Variants in ANKS1B observed in about 807,000 individuals in gnomAD.
The protein encoded by ANKS1B is ankyrin repeat and sterile alpha motif domain-containing protein 1B.
In ANKS1B, 36 loss-of-function variants were observed where a neutral mutation model predicts 148.3. That is an observed-to-expected ratio of 0.24 (90% CI 0.19 to 0.32). ANKS1B has a LOEUF of 0.32. Among genes scored for constraint, ANKS1B ranks in the 10% least tolerant of loss-of-function variants. ANKS1B has a pLI of 1.00. For missense variants in ANKS1B, 1,157 were observed against 1,542.6 expected (o/e 0.75, Z 4.19); for synonymous variants, 542 against 560.8 (o/e 0.97, Z 0.47).
intron 14 of ANKS1B, among the ~76,000 whole-genome samples, chr12:99,205,890 C>T (rs531727690): frequency 6.6e-6 from 1 of 152,264 alleles, no homozygotes; most frequent in East Asian, 1.9e-4. Flanking sequence ...ATTGCTTTGT[C>T]TTGAGCACTT....
Position 99,405,481 on chromosome 12 carries a change from A to G in ANKS1B, c.1576-5670T>C, listed in dbSNP as rs564143745. On this transcript the variant is annotated intron_variant, in intron 11 of 26. Transcript: ENST00000683438. ...GTTAAGTTGCCATCAGTTTAAAATA[A>G]TGGATTATAAAAAATTATTTGCAAG... 3.2e-4 allele frequency among the ~76,000 whole-genome samples: 47 copies of G among 145,918 alleles called. No individual in the cohort carries two copies. The South Asian group carries it at 9.4e-3, about 29-fold the overall frequency.
chr12:99,533,861 CTCAAT>C (rs145988121), intron 9 of ANKS1B, among the ~76,000 whole-genome samples: 1,960 of 151,962 alleles, frequency 0.013, 45 homozygotes, highest in African/African-American at 0.045. Flanking sequence ...TGTTAAATGA[CTCAAT>C]TAATTAACAA....
chr12:99,824,984 G>T (rs1308264268), intron 2 of ANKS1B, among the ~76,000 whole-genome samples: 1 of 152,072 alleles, frequency 6.6e-6, no homozygotes, highest in Non-Finnish European at 1.5e-5. Flanking sequence ...CACCAAAAAA[G>T]GTAAAGGGGT....
chr12:99,916,041 T>C (rs986027381), intron 1 of ANKS1B, among the ~76,000 whole-genome samples: 11 of 152,334 alleles, frequency 7.2e-5, no homozygotes, highest in African/African-American at 2.2e-4. Context: ...GATCTCATGG[T>C]TACTCATTAC....
chr12:98,900,381 T>C (rs1239671280), intron 17 of ANKS1B, among the ~76,000 whole-genome samples: 1 of 152,208 alleles, frequency 6.6e-6, no homozygotes, highest in Non-Finnish European at 1.5e-5. Context: ...TTGTGCATTT[T>C]TAAGCAAGGA....
intron 19 of ANKS1B, among the ~76,000 whole-genome samples, chr12:98,813,558 T>C (rs1261697465): frequency 1.4e-5 from 2 of 147,542 alleles, no homozygotes; most frequent in African/African-American, 2.5e-5. Context: ...TTTGGTGGCA[T>C]TGGAGACAGG....
At chr12:99,052,620 C>T (rs1288078305) in intron 17 of ANKS1B, among the ~76,000 whole-genome samples, 2 of 144,708 alleles carry the variant, frequency 1.4e-5, no homozygotes, top group Non-Finnish European at 3.0e-5. Flanking sequence ...CCCAGCTACT[C>T]GGGAGGCTGA....
chr12:99,146,705 C>T (rs911698241), intron 15 of ANKS1B, among the ~76,000 whole-genome samples: 1 of 152,164 alleles, frequency 6.6e-6, no homozygotes, highest in Non-Finnish European at 1.5e-5. Context: ...CCTGCCTGAT[C>T]TCCTCACTCC....
chr12:98,993,272 A>G (rs909686608), intron 17 of ANKS1B, among the ~76,000 whole-genome samples: 2 of 152,188 alleles, frequency 1.3e-5, no homozygotes, highest in Admixed American at 6.5e-5. Context: ...GGTTCCAGCG[A>G]TTCATACACC....
intron 9 of ANKS1B, among the ~76,000 whole-genome samples, chr12:99,590,258 CCACA>C (rs374132496): frequency 0.014 from 1,864 of 132,838 alleles, 16 homozygotes; most frequent in Middle Eastern, 0.036. Context: ...CCACACCCAC[CCACA>C]CACACACACA....
intron 14 of ANKS1B, among the ~76,000 whole-genome samples, chr12:99,180,686 T>C (rs1372972536): frequency 6.6e-6 from 1 of 151,586 alleles, no homozygotes; most frequent in Non-Finnish European, 1.5e-5. Flanking sequence ...TGCTTCTTAC[T>C]TGACCAAAAT....
chr12:99,868,981 C>T (rs1414282358), intron 1 of ANKS1B, among the ~76,000 whole-genome samples: 1 of 152,014 alleles, frequency 6.6e-6, no homozygotes, highest in African/African-American at 2.4e-5. Context: ...AGCTTGAACT[C>T]GGGAGGCAGA....
chr12:99,815,728 G>A (rs2069029442), intron 2 of ANKS1B, among the ~76,000 whole-genome samples: 1 of 151,698 alleles, frequency 6.6e-6, no homozygotes, highest in Admixed American at 6.6e-5. Flanking sequence ...CCACTTAGAA[G>A]TGAGAACGCA....
At chr12:99,024,084 T>C (rs1348725111) in intron 17 of ANKS1B, among the ~76,000 whole-genome samples, 2 of 151,916 alleles carry the variant, frequency 1.3e-5, no homozygotes, top group Non-Finnish European at 2.9e-5. Context: ...TATCAGTGGG[T>C]GTACTATTTC....
chr12:99,515,678 T>TG (rs552611331), intron 9 of ANKS1B, among the ~76,000 whole-genome samples: 2 of 151,572 alleles, frequency 1.3e-5, no homozygotes, highest in East Asian at 3.9e-4. Flanking sequence ...CCTTTGGGGG[T>TG]GGGGGGTGTA....
rs557901557 is a variant in ANKS1B at position 99,359,076 on chromosome 12, C to T, written c.1756+40555G>A. 3.3e-5 allele frequency among the ~76,000 whole-genome samples: 5 copies of T among 152,256 alleles called. 1 individual carries two copies. Among genetic ancestry groups the T allele is most frequent in the African/African-American group, 1.2e-4 (5 of 41,570 alleles). ...TAATGAAATAAAGAAATTGATCTCT[C>T]TACCCCATTGTTCTTTTCAAAATTC... On this transcript the variant is annotated intron_variant, in intron 12 of 26. Coordinates refer to ENST00000683438, the MANE Select transcript of ANKS1B (RefSeq NM_001352186.2).
Position 98,964,421 on chromosome 12 carries a change from T to C in ANKS1B, c.2778+88736A>G, listed in dbSNP as rs143286899. Among the ~76,000 whole-genome samples the C allele has an allele frequency of 2.0e-5, 3 of 152,286 alleles. No homozygotes were observed. In the East Asian group the frequency reaches 5.8e-4, roughly 29 times the overall value. On this transcript the variant is annotated intron_variant, in intron 17 of 26. Coordinates refer to ENST00000683438, the MANE Select transcript of ANKS1B (RefSeq NM_001352186.2). The stretch of plus-strand genomic sequence containing the variant: ...TTAAAAAATTAAAATGGAACTATCA[T>C]GTAATCCAGTAATCCCACTGCTAGG...
chr12:99,560,396 GAA>G (rs138955909), intron 9 of ANKS1B, among the ~76,000 whole-genome samples: 2 of 148,206 alleles, frequency 1.3e-5, no homozygotes, highest in Admixed American at 6.7e-5. Context: ...TTTTTTTTAA[GAA>G]AAAAAAAATC....
chr12:99,347,188 A>C (rs1487667612), intron 12 of ANKS1B, among the ~76,000 whole-genome samples: 1 of 152,022 alleles, frequency 6.6e-6, no homozygotes, highest in Admixed American at 6.6e-5. Context: ...CAGCATCTAT[A>C]TAAATACTTA....
Sources: allele counts gnomAD v4.1 joint callset (sites outside exome capture counted in the v4.1 genomes callset), GRCh38; gene constraint gnomAD v4.1.1; transcripts MANE v1.5; gene names NCBI Gene and HGNC (gene_info 2026-07-23, HGNC 2026-07-21).